The following RAD51B variants were observed in gnomAD, a reference collection of about 807,000 sequenced individuals.
RAD51B encodes DNA repair protein RAD51 homolog 2.
RAD51B carries 38 observed loss-of-function variants against 42.2 expected under a neutral mutation model. The ratio of observed to expected loss-of-function variants is 0.90; its 90% CI spans 0.70 to 1.18. The LOEUF is 1.18. Among genes scored for constraint, RAD51B ranks in the 50% most tolerant of loss-of-function variants. RAD51B has a pLI of 0.00. For missense variants in RAD51B, 373 were observed against 400.7 expected, an observed-to-expected ratio of 0.93 and a Z score of 0.59; for synonymous variants, 154 against 145.2, an observed-to-expected ratio of 1.06 and a Z score of -0.43.
chr14:68,468,633 C>A (rs1398637227), intron 10 of RAD51B: 1 of 338,524 alleles, frequency 3.0e-6, no homozygotes, highest in Non-Finnish European at 5.8e-6. Flanking sequence ...AGCCTTCTTG[C>A]TTAACAAGCT....
intron 7 of RAD51B, among the ~76,000 whole-genome samples, chr14:68,082,225 G>A (rs1160628999): frequency 6.6e-6 from 1 of 152,106 alleles, no homozygotes; most frequent in Non-Finnish European, 1.5e-5. Flanking sequence ...CTCCCAAAGT[G>A]CTGGGATTAT....
chr14:68,026,199 G>A (rs1020195283), intron 7 of RAD51B, among the ~76,000 whole-genome samples: 1 of 151,972 alleles, frequency 6.6e-6, no homozygotes, highest in African/African-American at 2.4e-5. Context: ...ATTGCACTGT[G>A]GTCCAAGAGT....
intron 7 of RAD51B, 29 bp from the exon 8 acceptor site, chr14:68,291,855 C>G: frequency 6.4e-7 from 1 of 1,551,056 alleles, no homozygotes; most frequent in Non-Finnish European, 8.9e-7. Flanking sequence ...CTCCCTTGCC[C>G]CCTACCCCTT....
At chr14:67,944,611 CTTAT>C (rs1459119040) in intron 7 of RAD51B, among the ~76,000 whole-genome samples, 1 of 152,044 alleles carries the variant, frequency 6.6e-6, no homozygotes, top group Admixed American at 6.6e-5. Flanking sequence ...TGTACTTGAT[CTTAT>C]TTAATCTTAG....
chr14:68,171,745 C>T (rs2078876107), intron 7 of RAD51B, among the ~76,000 whole-genome samples: 2 of 151,410 alleles, frequency 1.3e-5, no homozygotes, highest in Non-Finnish European at 2.9e-5. Context: ...CTCGCTCTGT[C>T]GCCCAGGCTG....
chr14:68,057,828 T>TGTGTGC (rs1316163869), intron 7 of RAD51B, among the ~76,000 whole-genome samples: 1 of 140,136 alleles, frequency 7.1e-6, no homozygotes, highest in African/African-American at 3.0e-5. Context: ...TCTTTGTGTG[T>TGTGTGC]GTGTGTGTGT....
chr14:68,105,113 C>CT (rs758724955), intron 7 of RAD51B, among the ~76,000 whole-genome samples: 183 of 141,994 alleles, frequency 1.3e-3, no homozygotes, highest in South Asian at 7.6e-3. Context: ...CTCCAGGAAT[C>CT]TTTTTTTTTT....
chr14:67,987,501 C>A (rs1327701928), intron 7 of RAD51B, among the ~76,000 whole-genome samples: 1 of 152,086 alleles, frequency 6.6e-6, no homozygotes, highest in African/African-American at 2.4e-5. Flanking sequence ...TTCCTTGAAG[C>A]CTGTTACTTA....
At position 68,291,946 on chromosome 14, in the gene RAD51B, G is replaced by C. The variant is rs540566284; in HGVS notation, c.819G>C (p.Leu273=). ...LSGALASQAD[L]VSPADDLSLS... ...GAGCCCTGGCTTCTCAGGCAGACCTGGTGTCTCCAGCTGATGATTTGTCCC... is the reference window on the plus strand; with the variant it reads ...GAGCCCTGGCTTCTCAGGCAGACCTCGTGTCTCCAGCTGATGATTTGTCCC... Residue 273 remains leucine (L), a synonymous_variant, in exon 8 of 11, where the codon CTG becomes CTC. Coordinates refer to ENST00000471583, the MANE Select transcript of RAD51B (RefSeq NM_133510.4). The C allele has an allele frequency of 7.4e-6, 12 of 1,613,752 alleles. No homozygotes were observed. In the South Asian group the frequency reaches 1.3e-4, roughly 18 times the overall value.
intron 7 of RAD51B, among the ~76,000 whole-genome samples, chr14:68,284,699 T>A (rs2081380885): frequency 6.6e-6 from 1 of 152,184 alleles, no homozygotes. Context: ...TCAGCTTTTA[T>A]TCTAGAACTG....
intron 9 of RAD51B, among the ~76,000 whole-genome samples, chr14:68,465,413 A>G (rs1317783067): frequency 6.6e-6 from 1 of 152,160 alleles, no homozygotes; most frequent in African/African-American, 2.4e-5. Context: ...AGACTCTTCA[A>G]TCAGGCTAAT....
chr14:67,835,313 AG>A (rs1314782172), intron 4 of RAD51B, 117 bp downstream of exon 4: 2 of 778,066 alleles, frequency 2.6e-6, no homozygotes, highest in Non-Finnish European at 4.3e-6. Flanking sequence ...TTAAATTATA[AG>A]TACTTCAAGG....
intron 7 of RAD51B, among the ~76,000 whole-genome samples, chr14:67,957,275 A>G (rs1459842844): frequency 6.6e-6 from 1 of 152,244 alleles, no homozygotes; most frequent in Non-Finnish European, 1.5e-5. Context: ...CTTGGATGTG[A>G]AAGAACATGG....
chr14:68,632,878 T>C (rs1416846978), intron 10 of RAD51B, among the ~76,000 whole-genome samples: 1 of 151,620 alleles, frequency 6.6e-6, no homozygotes, highest in Non-Finnish European at 1.5e-5. Context: ...CAGGCTCAAG[T>C]GATCCTCCCA....
chr14:68,131,147 G>C (rs1420836594), intron 7 of RAD51B, among the ~76,000 whole-genome samples: 1 of 152,118 alleles, frequency 6.6e-6, no homozygotes, highest in Admixed American at 6.6e-5. Context: ...TCTAAAGTCA[G>C]TGACAACCAT....
At chr14:68,631,184 T>C (rs529352969) in intron 10 of RAD51B, among the ~76,000 whole-genome samples, 1 of 152,332 alleles carries the variant, frequency 6.6e-6, no homozygotes, top group Admixed American at 6.5e-5. Context: ...TGGACGTATA[T>C]GGTCAAAGAC....
chr14:68,414,304 G>A (rs897101509), intron 9 of RAD51B, among the ~76,000 whole-genome samples: 3 of 152,278 alleles, frequency 2.0e-5, no homozygotes, highest in East Asian at 1.9e-4. Flanking sequence ...TAAGAAGCTG[G>A]AAAACATTTT....
rs534065304 is a variant in RAD51B, at chr14:67,895,038, G to T, written c.756+7834G>T. Among the ~76,000 whole-genome samples the T allele has an allele frequency of 5.3e-5, 8 of 152,242 alleles. No homozygotes were observed. The East Asian group carries it at 1.5e-3, about 29-fold the overall frequency. On this transcript the variant is annotated intron_variant, in intron 7 of 10. Coordinates refer to ENST00000471583, the MANE Select transcript of RAD51B (RefSeq NM_133510.4). ...AGTCTGCCCACTGTGGCCTCCTAAA[G>T]TTCTAGGATTATAGGCATGAGCCAC...
intron 5 of RAD51B, among the ~76,000 whole-genome samples, chr14:67,866,936 G>A (rs2042350612): frequency 6.6e-6 from 1 of 152,184 alleles, no homozygotes; most frequent in South Asian, 2.1e-4. Context: ...TTCACAAGGA[G>A]CTCTTATGAA....
Sources: gnomAD v4.1 joint callset for allele counts (sites outside exome capture counted in the v4.1 genomes callset) on GRCh38, gnomAD v4.1.1 for gene constraint, MANE v1.5 for transcripts, NCBI Gene and HGNC (gene_info 2026-07-23, HGNC 2026-07-21) for gene names.